The following CDH13 variants were observed in gnomAD, a reference collection of about 807,000 sequenced individuals.
CDH13 encodes the protein cadherin-13.
In CDH13, 24 loss-of-function variants were observed where a neutral mutation model predicts 63.8. That is an observed-to-expected ratio of 0.38 (90% confidence interval 0.27 to 0.53). The LOEUF (loss-of-function observed/expected upper bound fraction) is 0.53, where lower values mean the gene tolerates loss of function less well. Among genes scored for constraint, CDH13 ranks in the 20% least tolerant of loss-of-function variants. The pLI is 0.85. For synonymous variants in CDH13, 503 were observed against 355.3 expected (o/e 1.42, Z -4.67); for missense variants, 1,049 against 903.1 (o/e 1.16, Z -2.07).
intron 5 of CDH13, 69 bp from the exon 6 acceptor site, chr16:83,344,793 G>C: frequency 6.4e-7 from 1 of 1,563,806 alleles, no homozygotes. Context: ...ACTTTCTCTA[G>C]AGAACCTTAT....
intron 2 of CDH13, among the ~76,000 whole-genome samples, chr16:82,976,123 A>G (rs566597588): frequency 4.5e-4 from 68 of 152,336 alleles, no homozygotes; most frequent in Middle Eastern, 3.4e-3. Flanking sequence ...ATTTTTCAAG[A>G]TAAGATTTGT....
At chr16:83,687,943 C>A (rs1567516551) in intron 10 of CDH13, among the ~76,000 whole-genome samples, 1 of 152,188 alleles carries the variant, frequency 6.6e-6, no homozygotes, top group Non-Finnish European at 1.5e-5. Flanking sequence ...TTCTTTGGGG[C>A]TCTGTCTTTT....
At chr16:82,693,123 A>G (rs765098570) in intron 1 of CDH13, among the ~76,000 whole-genome samples, 2 of 152,182 alleles carry the variant, frequency 1.3e-5, no homozygotes, top group Non-Finnish European at 2.9e-5. Context: ...TAATAGCCTC[A>G]AAGGAAATGA....
intron 6 of CDH13, among the ~76,000 whole-genome samples, chr16:83,394,034 C>T (rs2091838238): frequency 6.6e-6 from 1 of 151,990 alleles, no homozygotes; most frequent in Non-Finnish European, 1.5e-5. Flanking sequence ...TAAGTGGGAG[C>T]TAAATGATGA....
intron 6 of CDH13, among the ~76,000 whole-genome samples, chr16:83,401,768 A>G (rs1244404339): frequency 6.6e-6 from 1 of 152,218 alleles, no homozygotes; most frequent in East Asian, 1.9e-4. Flanking sequence ...CAGTTCCCTC[A>G]ACAAAGAATT....
intron 7 of CDH13, among the ~76,000 whole-genome samples, chr16:83,542,221 G>A (rs1323771787): frequency 6.6e-6 from 1 of 152,174 alleles, no homozygotes. Flanking sequence ...GCAGTTCTGA[G>A]CCTTGGTTGC....
At chr16:82,806,944 G>T (rs539171185) in intron 1 of CDH13, among the ~76,000 whole-genome samples, 3 of 152,302 alleles carry the variant, frequency 2.0e-5, no homozygotes, top group East Asian at 3.9e-4. Context: ...GGGCATAGCA[G>T]TCATCATTGG....
chr16:83,404,027 CT>C (rs1465255352), intron 6 of CDH13, among the ~76,000 whole-genome samples: 1 of 152,138 alleles, frequency 6.6e-6, no homozygotes, highest in Non-Finnish European at 1.5e-5. Context: ...TTTCCAGTGT[CT>C]CTTCTACAGA....
At chr16:82,661,437 T>C (rs1359090526) in intron 1 of CDH13, among the ~76,000 whole-genome samples, 1 of 152,236 alleles carries the variant, frequency 6.6e-6, no homozygotes, top group East Asian at 1.9e-4. Flanking sequence ...TGAGATGTTA[T>C]TGTGAGTGCT....
At chr16:83,282,333 A>G (rs2089198831) in intron 5 of CDH13, among the ~76,000 whole-genome samples, 1 of 152,244 alleles carries the variant, frequency 6.6e-6, no homozygotes, top group South Asian at 2.1e-4. Context: ...ATATGTTGAT[A>G]GACATGCTCA....
At chr16:83,376,827 C>G (rs1350286259) in intron 6 of CDH13, among the ~76,000 whole-genome samples, 1 of 152,134 alleles carries the variant, frequency 6.6e-6, no homozygotes, top group Non-Finnish European at 1.5e-5. Flanking sequence ...AGAAGTGACA[C>G]TCTGCCACTT....
chr16:83,653,122 A>C (rs1912543469), intron 8 of CDH13, among the ~76,000 whole-genome samples: 1 of 152,120 alleles, frequency 6.6e-6, no homozygotes, highest in Non-Finnish European at 1.5e-5. Context: ...ACAGAAAGCC[A>C]ATTAGTGGTT....
intron 2 of CDH13, among the ~76,000 whole-genome samples, chr16:82,995,361 A>G (rs190046671): frequency 1.3e-5 from 2 of 152,220 alleles, no homozygotes; most frequent in East Asian, 3.9e-4. Flanking sequence ...CCACTAAGAC[A>G]TGAGTGAGCG....
intron 10 of CDH13, among the ~76,000 whole-genome samples, chr16:83,737,954 C>T (rs994405912): frequency 1.3e-5 from 2 of 152,140 alleles, no homozygotes; most frequent in South Asian, 4.2e-4. Context: ...TATCTACCTC[C>T]CAGGTTGATG....
At chr16:82,895,760 G>T (rs1484579955) in intron 2 of CDH13, among the ~76,000 whole-genome samples, 4 of 150,544 alleles carry the variant, frequency 2.7e-5, no homozygotes, top group Admixed American at 2.7e-4. Flanking sequence ...TTAACCATTT[G>T]TACAGCCAAT....
At chr16:82,638,497 C>T (rs916079810) in intron 1 of CDH13, among the ~76,000 whole-genome samples, 2 of 152,178 alleles carry the variant, frequency 1.3e-5, no homozygotes, top group African/African-American at 4.8e-5. Flanking sequence ...TTAATGATGT[C>T]ATCCTATGCT....
At chr16:82,662,976 T>C (rs946317401) in intron 1 of CDH13, among the ~76,000 whole-genome samples, 5 of 152,138 alleles carry the variant, frequency 3.3e-5, no homozygotes, top group Admixed American at 3.3e-4. Flanking sequence ...GTTAAAAACA[T>C]TGGATAAATT....
intron 2 of CDH13, among the ~76,000 whole-genome samples, chr16:82,995,318 G>C (rs911440241): frequency 6.6e-6 from 1 of 152,214 alleles, no homozygotes; most frequent in Non-Finnish European, 1.5e-5. Flanking sequence ...CAGCCACCTT[G>C]CATCTAGGTA....
chr16:83,482,332 A>G (rs937902123), intron 6 of CDH13, among the ~76,000 whole-genome samples: 3 of 152,210 alleles, frequency 2.0e-5, no homozygotes, highest in Non-Finnish European at 2.9e-5. Context: ...GGCCCATCAC[A>G]AAAAGATAGA....
Sources: gnomAD v4.1 joint callset for allele counts (sites outside exome capture counted in the v4.1 genomes callset) on GRCh38, gnomAD v4.1.1 for gene constraint, MANE v1.5 for transcripts, NCBI Gene and HGNC (gene_info 2026-07-23, HGNC 2026-07-21) for gene names.